PTER: variants seen among roughly 807,000 people sequenced by gnomAD.
PTER encodes the protein phosphotriesterase related, also known as N-acetyltaurine hydrolase.
PTER carries 38 observed loss-of-function variants against 29.6 expected under a neutral mutation model. That is an observed-to-expected ratio of 1.28 (90% CI 0.99 to 1.68). The LOEUF (loss-of-function observed/expected upper bound fraction) is 1.68, where lower values mean the gene tolerates loss of function less well. Among genes scored for constraint, PTER ranks in the 40% most tolerant of loss-of-function variants. The probability of loss-of-function intolerance (pLI) is 0.00; values close to 1 mark genes in which losing one functional copy is unlikely to be tolerated. For synonymous variants in PTER, 172 were observed against 154.5 expected (o/e 1.11, Z -0.84); for missense variants, 482 against 427.8 (o/e 1.13, Z -1.12).
downstream of PTER, chr10:16,514,681 A>G: frequency 6.2e-7 from 1 of 1,613,762 alleles, no homozygotes; most frequent in Non-Finnish European, 8.5e-7. Flanking sequence ...TCTGATCAGC[A>G]TCTTGGGCAA....
chr10:16,459,263 C>T (rs747134415), intron 1 of PTER, among the ~76,000 whole-genome samples: 3 of 152,170 alleles, frequency 2.0e-5, no homozygotes, highest in Non-Finnish European at 2.9e-5. Context: ...TCAGCTGAAG[C>T]TGGACGATTT....
intron 4 of PTER, among the ~76,000 whole-genome samples, chr10:16,505,835 G>A (rs10904756): frequency 0.52 from 78,996 of 151,784 alleles, 21,012 homozygotes; most frequent in East Asian, 0.83. Context: ...GACAAGGAAG[G>A]CTTTCGTTTG....
At chr10:16,457,464 C>G (rs1834450962) in intron 1 of PTER, among the ~76,000 whole-genome samples, 1 of 152,120 alleles carries the variant, frequency 6.6e-6, no homozygotes, top group Admixed American at 6.5e-5. Flanking sequence ...CCGCCCGTCT[C>G]GGCCTCCCAA....
At chr10:16,456,312 A>C (rs1401833406) in intron 1 of PTER, among the ~76,000 whole-genome samples, 1 of 152,208 alleles carries the variant, frequency 6.6e-6, no homozygotes, top group African/African-American at 2.4e-5. Flanking sequence ...AACATTGAGC[A>C]GAGATGATTC....
intron 3 of PTER, 36 bp downstream of exon 3, chr10:16,486,653 C>T (rs754532527): frequency 1.5e-5 from 23 of 1,572,974 alleles, no homozygotes; most frequent in Middle Eastern, 1.7e-4. Context: ...TGCAAACTGC[C>T]ATATAATTAA....
chr10:16,437,898 C>A (rs1013024223), intron 1 of PTER, among the ~76,000 whole-genome samples: 1 of 152,190 alleles, frequency 6.6e-6, no homozygotes, highest in Non-Finnish European at 1.5e-5. Context: ...TAAAGGTATA[C>A]CCTTACATAG....
At chr10:16,456,977 C>T (rs1470931979) in intron 1 of PTER, among the ~76,000 whole-genome samples, 1 of 151,978 alleles carries the variant, frequency 6.6e-6, no homozygotes, top group African/African-American at 2.4e-5. Flanking sequence ...TTGCCTGCTG[C>T]CATGATTGTG....
chr10:16,469,031 T>C (rs756245053), intron 1 of PTER, among the ~76,000 whole-genome samples: 9 of 151,934 alleles, frequency 5.9e-5, no homozygotes, highest in Non-Finnish European at 7.4e-5. Flanking sequence ...AAGGTGAAAT[T>C]GAGGTGCTAT....
At chr10:16,483,104 A>G (rs1835542147) in intron 1 of PTER, among the ~76,000 whole-genome samples, 2 of 152,124 alleles carry the variant, frequency 1.3e-5, no homozygotes, top group African/African-American at 4.8e-5. Context: ...AATTTAAACA[A>G]ATTTTTTAAA....
downstream of PTER, among the ~76,000 whole-genome samples, chr10:16,515,288 C>T (rs1036610328): frequency 6.6e-6 from 1 of 151,624 alleles, no homozygotes; most frequent in African/African-American, 2.4e-5. Context: ...ATGTAAAGCC[C>T]CCTTTACCAG....
chr10:16,475,968 A>T (rs1835245252), intron 1 of PTER: 1 of 152,236 alleles, frequency 6.6e-6, no homozygotes, highest in Non-Finnish European at 1.5e-5. Context: ...AATATTTGGA[A>T]AATAGTTCAA....
intron 1 of PTER, among the ~76,000 whole-genome samples, chr10:16,466,092 T>C (rs1834806962): frequency 6.6e-6 from 1 of 152,152 alleles, no homozygotes; most frequent in Non-Finnish European, 1.5e-5. Flanking sequence ...GAGTTGTACC[T>C]AGTGTTCCAA....
chr10:16,446,142 T>C (rs557822020), intron 1 of PTER, among the ~76,000 whole-genome samples: 1 of 152,102 alleles, frequency 6.6e-6, no homozygotes, highest in African/African-American at 2.4e-5. Context: ...CTTGCAACCA[T>C]AGTTGATCTT....
At chr10:16,491,776 G>A (rs1835907680) in intron 3 of PTER, among the ~76,000 whole-genome samples, 1 of 152,120 alleles carries the variant, frequency 6.6e-6, no homozygotes, top group Admixed American at 6.5e-5. Context: ...CTGACCCTCA[G>A]TCTTACCTAC....
chr10:16,493,997 T>C (rs1836000611), intron 3 of PTER, among the ~76,000 whole-genome samples: 1 of 152,174 alleles, frequency 6.6e-6, no homozygotes, highest in Admixed American at 6.5e-5. Context: ...TAATTTTTTT[T>C]CTAAAGCAAT....
chr10:16,494,246 C>G (rs1836009788), intron 3 of PTER, among the ~76,000 whole-genome samples: 1 of 152,178 alleles, frequency 6.6e-6, no homozygotes, highest in Admixed American at 6.5e-5. Context: ...TTTAATTACA[C>G]TTTGTAATTC....
chr10:16,486,532 A>G lies in PTER; in HGVS notation c.613A>G (p.Ser205Gly), dbSNP rs1020874163. Residue 205 changes from serine (S) to glycine (G), a missense_variant, in exon 3 of 5, where the codon AGC becomes GGC. Coordinates refer to ENST00000535784, the MANE Select transcript of PTER (RefSeq NM_001261836.2). Reference sequence around the variant, plus strand: ...TCCTGTTATTATCCATCCTGGACGGAGCTCCAGGGCACCATTTCAGATTAT... The same window carrying G: ...TCCTGTTATTATCCATCCTGGACGGGGCTCCAGGGCACCATTTCAGATTAT... The part of the protein sequence containing the change: ...GCPVIIHPGR[S>G]SRAPFQIIRI... 7 of 1,613,996 alleles carry G rather than the reference A, an allele frequency of 4.3e-6. No homozygotes were observed. The highest frequency in any genetic ancestry group is 5.9e-6 in the Non-Finnish European group (7 of 1,179,936).
chr10:16,510,969 T>G, intron 4 of PTER, 77 bp from the exon 5 acceptor site: 1 of 1,214,252 alleles, frequency 8.2e-7, no homozygotes, highest in Non-Finnish European at 1.2e-6. Context: ...AATAGGTTAA[T>G]GAGTAAAAAG....
intron 3 of PTER, among the ~76,000 whole-genome samples, chr10:16,494,365 C>G (rs1023245004): frequency 6.6e-6 from 1 of 152,160 alleles, no homozygotes; most frequent in Non-Finnish European, 1.5e-5. Flanking sequence ...GAAAGGGTGA[C>G]GTCACTCCTT....
Sources: allele counts gnomAD v4.1 joint callset (sites outside exome capture counted in the v4.1 genomes callset), GRCh38; gene constraint gnomAD v4.1.1; transcripts MANE v1.5; gene names NCBI Gene and HGNC (gene_info 2026-07-23, HGNC 2026-07-21).